MYT1L: variants seen among roughly 807,000 people sequenced by gnomAD.
The protein encoded by MYT1L is myelin transcription factor 1 like, also known as myelin transcription factor 1-like protein.
MYT1L carries 12 observed loss-of-function variants against 126.7 expected under a neutral mutation model. The ratio of observed to expected loss-of-function variants is 0.09; its 90% CI spans 0.06 to 0.15. The LOEUF is 0.15. MYT1L is among the 10% of genes least tolerant of loss of function. The pLI, the probability that MYT1L is intolerant of heterozygous loss-of-function variation, is 1.00. For synonymous variants in MYT1L, 541 were observed against 604.2 expected, an observed-to-expected ratio of 0.90 and a Z score of 1.53; for missense variants, 979 against 1,585.2, an observed-to-expected ratio of 0.62 and a Z score of 6.49.
intron 4 of MYT1L, among the ~76,000 whole-genome samples, chr2:2,025,172 C>T (rs545541772): frequency 6.6e-6 from 1 of 152,312 alleles, no homozygotes; most frequent in Admixed American, 6.5e-5. Flanking sequence ...GGCTCCCTGG[C>T]ATTGCTTCTT....
At chr2:2,107,215 C>G (rs1208143827) in intron 3 of MYT1L, among the ~76,000 whole-genome samples, 4 of 152,182 alleles carry the variant, frequency 2.6e-5, no homozygotes, top group African/African-American at 4.8e-5. Flanking sequence ...CAGGGAAGAC[C>G]ATCACCATGA....
chr2:1,885,457 G>C (rs1247152228), intron 18 of MYT1L: 4 of 152,686 alleles, frequency 2.6e-5, no homozygotes, highest in Non-Finnish European at 5.9e-5. Flanking sequence ...CTGAACATAA[G>C]CAGGTGATCT....
At chr2:1,967,605 C>T (rs1338586687) in intron 8 of MYT1L, among the ~76,000 whole-genome samples, 1 of 152,216 alleles carries the variant, frequency 6.6e-6, no homozygotes, top group Non-Finnish European at 1.5e-5. Context: ...ATTAGTCACT[C>T]AAAGCAGGTG....
intron 3 of MYT1L, among the ~76,000 whole-genome samples, chr2:2,161,112 C>T (rs1361575283): frequency 1.3e-5 from 2 of 151,900 alleles, no homozygotes; most frequent in African/African-American, 2.4e-5. Context: ...CCCAGCTACT[C>T]GGGAGGCTGA....
intron 9 of MYT1L, among the ~76,000 whole-genome samples, chr2:1,934,036 G>T (rs1479781424): frequency 6.9e-6 from 1 of 144,314 alleles, no homozygotes; most frequent in Non-Finnish European, 1.5e-5. Context: ...GTGCAGTGGT[G>T]CGATCTCGGC....
chr2:1,843,302 G>C (rs1044510713), intron 19 of MYT1L, among the ~76,000 whole-genome samples: 7 of 152,224 alleles, frequency 4.6e-5, no homozygotes, highest in Non-Finnish European at 1.0e-4. Flanking sequence ...CCATGCGAGT[G>C]TTCCTCTGCG....
At chr2:2,313,047 CAA>C (rs111455929) in intron 1 of MYT1L, among the ~76,000 whole-genome samples, 6,174 of 152,190 alleles carry the variant, frequency 0.041, 195 homozygotes, top group African/African-American at 0.089. Context: ...ATGAAAATAG[CAA>C]TGAACTTAGA....
intron 8 of MYT1L, among the ~76,000 whole-genome samples, chr2:1,964,565 T>C (rs1282195910): frequency 6.6e-6 from 1 of 152,230 alleles, no homozygotes; most frequent in Non-Finnish European, 1.5e-5. Context: ...ATACTTTGAA[T>C]TGTTTATTTT....
chr2:1,982,838 A>T (rs1346171292), intron 5 of MYT1L, among the ~76,000 whole-genome samples: 1 of 152,180 alleles, frequency 6.6e-6, no homozygotes, highest in Non-Finnish European at 1.5e-5. Flanking sequence ...ACCCACATTT[A>T]TGATTTCTCT....
At chr2:2,182,150 TG>T (rs58269695) in intron 2 of MYT1L, among the ~76,000 whole-genome samples, 15,198 of 151,820 alleles carry the variant, frequency 0.1, 741 homozygotes, top group East Asian at 0.13. Flanking sequence ...CTTGGAACTG[TG>T]GCCACGGACA....
intron 3 of MYT1L, among the ~76,000 whole-genome samples, chr2:2,084,648 C>T (rs1028994349): frequency 2.6e-5 from 4 of 152,136 alleles, no homozygotes; most frequent in Non-Finnish European, 5.9e-5. Context: ...ACTGAGGTCC[C>T]AAGTGACCAT....
chr2:2,243,127 G>T (rs905102192), intron 2 of MYT1L, among the ~76,000 whole-genome samples: 2 of 152,176 alleles, frequency 1.3e-5, no homozygotes, highest in African/African-American at 4.8e-5. Context: ...GGGAGAGGCT[G>T]CCCTGAAGTT....
chr2:1,877,029 G>A (rs764069527), intron 18 of MYT1L, among the ~76,000 whole-genome samples: 2 of 152,202 alleles, frequency 1.3e-5, no homozygotes, highest in Non-Finnish European at 2.9e-5. Flanking sequence ...CAGTCAGTCC[G>A]TGGTTCTGTA....
chr2:2,270,665 C>CT (rs1345840453), intron 2 of MYT1L, among the ~76,000 whole-genome samples: 1 of 152,080 alleles, frequency 6.6e-6, no homozygotes, highest in Non-Finnish European at 1.5e-5. Context: ...TTCAGGGATT[C>CT]TTTAAGTGTG....
intron 2 of MYT1L, among the ~76,000 whole-genome samples, chr2:2,263,805 C>G (rs1426696658): frequency 6.6e-6 from 1 of 152,114 alleles, no homozygotes; most frequent in Non-Finnish European, 1.5e-5. Flanking sequence ...ATTTGCTGGA[C>G]GTCAAGCATG....
At chr2:1,986,986 T>C (rs1349439749) in intron 5 of MYT1L, among the ~76,000 whole-genome samples, 1 of 152,238 alleles carries the variant, frequency 6.6e-6, no homozygotes, top group Non-Finnish European at 1.5e-5. Flanking sequence ...AGAATTTAAC[T>C]ATTTTTGTTG....
rs139466674 is a variant in MYT1L at position 2,101,322 on chromosome 2, C to T, written c.-303-47199G>A. On this transcript the variant is annotated intron_variant, in intron 3 of 24. Transcript: ENST00000647738. ...ATCATGGACCCAGTCCTTCCTCTCT[C>T]ATATGCCATTCACATGACTGTATGC... 2.6e-5 allele frequency among the ~76,000 whole-genome samples: 4 copies of T among 152,238 alleles called. No individual in the cohort carries two copies. In the East Asian group the frequency reaches 7.7e-4, roughly 29 times the overall value.
chr2:2,244,749 C>T (rs549987162), intron 2 of MYT1L, among the ~76,000 whole-genome samples: 10 of 152,274 alleles, frequency 6.6e-5, no homozygotes, highest in South Asian at 2.1e-4. Context: ...TGGCAAGACA[C>T]GATACCTCCA....
In MYT1L at chr2:1,931,027, T is replaced by C. The variant is rs554108258; in HGVS notation, c.506-7764A>G. Among the ~76,000 whole-genome samples the C allele has an allele frequency of 9.2e-5, 14 of 152,330 alleles. No individual in the cohort carries two copies. The East Asian group carries it at 2.3e-3, about 25-fold the overall frequency. On this transcript the variant is annotated intron_variant, in intron 9 of 24. Coordinates refer to ENST00000647738, the MANE Select transcript of MYT1L (RefSeq NM_001303052.2). The stretch of plus-strand genomic sequence containing the variant: ...TTTTGCCACTGTTTTTTCTGACTTT[T>C]GGAGATTGTGCAGGTCCATGGTCCT...
Sources: gnomAD v4.1 joint callset for allele counts (sites outside exome capture counted in the v4.1 genomes callset) on GRCh38, gnomAD v4.1.1 for gene constraint, MANE v1.5 for transcripts, NCBI Gene and HGNC (gene_info 2026-07-23, HGNC 2026-07-21) for gene names.